SV2B: variants seen among roughly 807,000 people sequenced by gnomAD.
SV2B encodes the protein synaptic vesicle glycoprotein 2B, also known as solute carrier family 22 member B2.
In SV2B, 41 loss-of-function variants were observed where a neutral mutation model predicts 73.9. The ratio of observed to expected loss-of-function variants is 0.56; its 90% confidence interval spans 0.43 to 0.72. The LOEUF is 0.72. SV2B is among the 30% of genes least tolerant of loss of function. The pLI is 0.00. For synonymous variants in SV2B, 314 were observed against 314.2 expected, an observed-to-expected ratio of 1.00 and a Z score of 0.01; for missense variants, 764 against 857.8, an observed-to-expected ratio of 0.89 and a Z score of 1.37.
At chr15:91,208,851 T>C (rs1355506230) in intron 1 of SV2B, among the ~76,000 whole-genome samples, 1 of 152,176 alleles carries the variant, frequency 6.6e-6, no homozygotes, top group East Asian at 1.9e-4. Context: ...CATAACAGTG[T>C]TGGAGTTCAT....
At chr15:91,211,347 C>A (rs1224656178) in intron 1 of SV2B, among the ~76,000 whole-genome samples, 3 of 152,156 alleles carry the variant, frequency 2.0e-5, no homozygotes, top group Non-Finnish European at 4.4e-5. Flanking sequence ...GTGGCCTTCT[C>A]TTTGATGACT....
chr15:91,179,254 G>T (rs1018508934), intron 1 of SV2B, among the ~76,000 whole-genome samples: 32 of 152,246 alleles, frequency 2.1e-4, no homozygotes, highest in African/African-American at 7.2e-4. Context: ...TGTGGTCTGA[G>T]AGACAGTTTG....
At chr15:91,200,749 A>C (rs1435827068) in intron 1 of SV2B, among the ~76,000 whole-genome samples, 1 of 152,080 alleles carries the variant, frequency 6.6e-6, no homozygotes, top group Non-Finnish European at 1.5e-5. Flanking sequence ...TCTCTATCAA[A>C]AATTAAAAAA....
intron 1 of SV2B, among the ~76,000 whole-genome samples, chr15:91,125,603 C>T (rs1489728183): frequency 2.0e-5 from 3 of 151,542 alleles, no homozygotes; most frequent in African/African-American, 7.3e-5. Flanking sequence ...AAAACCCTGT[C>T]ACTACCCAAA....
At position 91,253,577 on chromosome 15, in the gene SV2B, A is replaced by G. The variant is rs2047571480; in HGVS notation, c.784+1057A>G. 6.6e-6 allele frequency among the ~76,000 whole-genome samples: 1 copy of G among 152,222 alleles called. No homozygotes were observed. Among genetic ancestry groups the G allele is most frequent in the South Asian group, 2.1e-4 (1 of 4,830 alleles). ...ACAGTGAAAGCTTCTCCCTTATGTG[A>G]GGTCCGGCTGGCATTTCTAATCTGC... is the stretch of plus-strand genomic sequence containing the variant. On this transcript the variant is annotated intron_variant, in intron 4 of 12. Transcript: ENST00000394232. This position sits in a 1 kb window ranked among gnomAD's most constrained non-coding sequence, Gnocchi z 5.0.
chr15:91,122,416 T>C lies in SV2B; in HGVS notation c.-392+22053T>C, dbSNP rs1165383092. 6.6e-6 allele frequency among the ~76,000 whole-genome samples: 1 copy of C among 152,222 alleles called. No individual in the cohort carries two copies. The highest frequency in any genetic ancestry group is 1.5e-5 in the Non-Finnish European group (1 of 68,028). ...GCTGGGGTTGATTTCCCTGTCTGAA[T>C]AATTTTTAATGGCTCAGCTTTCTCC... On this transcript the variant is annotated intron_variant, in intron 1 of 12. Coordinates refer to ENST00000394232, the MANE Select transcript of SV2B (RefSeq NM_001323032.3). This position sits in a 1 kb window ranked among gnomAD's most constrained non-coding sequence, Gnocchi z 4.3.
rs1478351089 is a variant in SV2B, at chr15:91,283,462, G to A, written c.1508-559G>A. On this transcript the variant is annotated intron_variant, in intron 10 of 12. Transcript: ENST00000394232. This position sits in a 1 kb window ranked among gnomAD's most constrained non-coding sequence, Gnocchi z 4.3. ...TGATTTTTTTTTTTTTAAAGGCAAG[G>A]TCTCCCTCTTTTGCCCAGGCTGGAA... Among the ~76,000 whole-genome samples the A allele has an allele frequency of 6.6e-6, 1 of 151,752 alleles. No individual in the cohort carries two copies. The highest frequency in any genetic ancestry group is 1.5e-5 in the Non-Finnish European group (1 of 67,930).
chr15:91,208,144 G>A (rs189437343), intron 1 of SV2B, among the ~76,000 whole-genome samples: 213 of 152,310 alleles, frequency 1.4e-3, no homozygotes, highest in African/African-American at 4.7e-3. Context: ...ACCCGCGTCT[G>A]TGATCTCAGT....
chr15:91,152,998 C>A (rs1234411027), intron 1 of SV2B, among the ~76,000 whole-genome samples: 2 of 152,102 alleles, frequency 1.3e-5, no homozygotes, highest in African/African-American at 4.8e-5. Flanking sequence ...GGAATCTCTG[C>A]CTCCTAGTTG....
chr15:91,235,551 T>TAA (rs552268294), intron 2 of SV2B, among the ~76,000 whole-genome samples: 231 of 149,596 alleles, frequency 1.5e-3, no homozygotes, highest in African/African-American at 5.4e-3. Context: ...CACCGGGGGT[T>TAA]AAAAAAAAAA....
intron 1 of SV2B, among the ~76,000 whole-genome samples, chr15:91,125,793 A>AG (rs1218465026): frequency 6.6e-6 from 1 of 150,654 alleles, no homozygotes; most frequent in East Asian, 1.9e-4. Context: ...AAAAAAAAAA[A>AG]AAAAAAATTC....
At chr15:91,101,938 C>CAG (rs1039530677) in intron 1 of SV2B, 2 of 152,186 alleles carry the variant, frequency 1.3e-5, no homozygotes, top group African/African-American at 4.8e-5. Context: ...CAACACTTCA[C>CAG]AAAGGCAGGG....
rs2046316306 is a variant in SV2B at position 91,224,611 on chromosome 15, A to C, written c.-391-1262A>C. ...CTCGGGGTAGCATCTGGGAAGTATG[A>C]GGACATTGGAACGAGCTGGCTTTGG... is the stretch of plus-strand genomic sequence containing the variant. On this transcript the variant is annotated intron_variant, in intron 1 of 12. Transcript: ENST00000394232. This position sits in a 1 kb window ranked among gnomAD's most constrained non-coding sequence, Gnocchi z 4.9. 6.6e-6 allele frequency among the ~76,000 whole-genome samples: 1 copy of C among 152,214 alleles called. No homozygotes were observed. The highest frequency in any genetic ancestry group is 1.5e-5 in the Non-Finnish European group (1 of 68,036).
chr15:91,192,304 C>T (rs1188645121), intron 1 of SV2B, among the ~76,000 whole-genome samples: 4 of 152,174 alleles, frequency 2.6e-5, no homozygotes, highest in African/African-American at 7.2e-5. Context: ...ATTTCACTCT[C>T]GCATTTGATT....
chr15:91,186,955 A>G (rs556863583), intron 1 of SV2B, among the ~76,000 whole-genome samples: 1 of 152,254 alleles, frequency 6.6e-6, no homozygotes, highest in East Asian at 1.9e-4. Flanking sequence ...AATACACAAA[A>G]GAAATTTATT....
chr15:91,255,261 G>A (rs2047643865), intron 4 of SV2B, among the ~76,000 whole-genome samples: 1 of 152,194 alleles, frequency 6.6e-6, no homozygotes, highest in South Asian at 2.1e-4. Context: ...GATGTCCATG[G>A]CAGAGGGGCC....
In SV2B at chr15:91,231,464, T is replaced by G. The variant is rs2046571177; in HGVS notation, c.451+4750T>G. Among the ~76,000 whole-genome samples, 1 of 152,204 alleles carries G rather than the reference T, an allele frequency of 6.6e-6. No homozygotes were observed. Among genetic ancestry groups the G allele is most frequent in the Non-Finnish European group, 1.5e-5 (1 of 68,036 alleles). The stretch of plus-strand genomic sequence containing the variant: ...CTAATCTGATTAGATTTAAAGATAC[T>G]TTATTTTTTGAGTGTGGGAGCCTTG... On this transcript the variant is annotated intron_variant, in intron 2 of 12. Transcript: ENST00000394232. The surrounding 1 kb of genome is among the most constrained non-coding windows in gnomAD (Gnocchi z 4.5).
In SV2B at chr15:91,252,503, G is replaced by A; in HGVS notation, c.767G>A (p.Ser256Asn). The change falls in exon 4 of 13, where the codon AGC (serine) becomes AAC (asparagine). Residue 256 changes from serine (S) to asparagine (N), a missense_variant. By Grantham distance (46) the Ser-to-Asn change is conservative. Transcript: ENST00000394232. The surrounding 1 kb of genome is among the most constrained non-coding windows in gnomAD (Gnocchi z 4.6). ...CTGTACGCATCTGCCATGGCCTGGA[G>A]CATCATCCCACACTATGGTGAGTCA... ...GGLYASAMAW[S>N]IIPHYGWGFS... 6.2e-7 allele frequency: 1 copy of A among 1,611,104 alleles called. No homozygotes were observed. Among genetic ancestry groups the A allele is most frequent in the Non-Finnish European group, 8.5e-7 (1 of 1,178,526 alleles).
intron 6 of SV2B, among the ~76,000 whole-genome samples, chr15:91,262,605 C>T (rs1487433298): frequency 6.6e-6 from 1 of 152,124 alleles, no homozygotes; most frequent in African/African-American, 2.4e-5. Context: ...TGCCCCCTTC[C>T]TCCTCCCACC....
Sources: gnomAD v4.1 joint callset for allele counts (sites outside exome capture counted in the v4.1 genomes callset) on GRCh38, gnomAD v4.1.1 for gene constraint, Gnocchi (gnomAD v3.1) non-coding constraint, MANE v1.5 for transcripts, NCBI Gene and HGNC (gene_info 2026-07-23, HGNC 2026-07-21) for gene names.